Variants in NEDD4L observed in about 807,000 individuals in gnomAD.
The protein encoded by NEDD4L is E3 ubiquitin-protein ligase NEDD4-like.
In NEDD4L, 54 loss-of-function variants were observed where a neutral mutation model predicts 148.9. That is an observed-to-expected ratio of 0.36 (90% CI 0.29 to 0.45). The LOEUF is 0.45. NEDD4L is among the 20% of genes least tolerant of loss of function. The pLI is 1.00. For synonymous variants in NEDD4L, 433 were observed against 440.7 expected, an observed-to-expected ratio of 0.98 and a Z score of 0.22; for missense variants, 856 against 1,233.8, an observed-to-expected ratio of 0.69 and a Z score of 4.59.
intron 24 of NEDD4L, among the ~76,000 whole-genome samples, chr18:58,377,907 G>A (rs1601880128): frequency 6.6e-6 from 1 of 152,144 alleles, no homozygotes; most frequent in African/African-American, 2.4e-5. Context: ...ACCATGCCCA[G>A]CTAATTTTTG....
chr18:58,177,252 T>A (rs1296814435), intron 2 of NEDD4L, among the ~76,000 whole-genome samples: 1 of 152,206 alleles, frequency 6.6e-6, no homozygotes, highest in Non-Finnish European at 1.5e-5. Context: ...TTCCTCTGTT[T>A]TCCTTTTCTT....
chr18:58,238,859 T>A (rs1351201585), intron 2 of NEDD4L, among the ~76,000 whole-genome samples: 3 of 152,216 alleles, frequency 2.0e-5, no homozygotes, highest in Non-Finnish European at 4.4e-5. Flanking sequence ...AAGTATTACC[T>A]TTTTTCAATC....
chr18:58,275,890 G>C (rs1185984637), intron 5 of NEDD4L, among the ~76,000 whole-genome samples: 1 of 152,176 alleles, frequency 6.6e-6, no homozygotes, highest in Non-Finnish European at 1.5e-5. Flanking sequence ...AAGGTAGGGG[G>C]AGCATTGAAG....
intron 5 of NEDD4L, among the ~76,000 whole-genome samples, chr18:58,261,089 A>T (rs886217451): frequency 6.6e-6 from 1 of 152,220 alleles, no homozygotes; most frequent in African/African-American, 2.4e-5. Flanking sequence ...ATGGCATTTA[A>T]CACAAGGACA....
intron 1 of NEDD4L, among the ~76,000 whole-genome samples, chr18:58,112,902 G>A (rs571716122): frequency 1.3e-5 from 2 of 152,332 alleles, no homozygotes; most frequent in South Asian, 2.1e-4. Context: ...CCTTTGGGAC[G>A]TGATTAGGTC....
At chr18:58,302,327 G>A (rs2056584378) in intron 5 of NEDD4L, among the ~76,000 whole-genome samples, 1 of 152,162 alleles carries the variant, frequency 6.6e-6, no homozygotes, top group Non-Finnish European at 1.5e-5. Flanking sequence ...ATTTAGTCTT[G>A]CATCTTGCTC....
intron 10 of NEDD4L, among the ~76,000 whole-genome samples, chr18:58,330,182 C>A (rs186101458): frequency 6.6e-6 from 1 of 152,148 alleles, no homozygotes; most frequent in Non-Finnish European, 1.5e-5. Context: ...ATTTAGAATG[C>A]GGCGATTCAA....
intron 2 of NEDD4L, among the ~76,000 whole-genome samples, chr18:58,182,431 G>T (rs541842575): frequency 6.6e-6 from 1 of 151,388 alleles, no homozygotes; most frequent in South Asian, 2.1e-4. Flanking sequence ...TTTCTTTGCA[G>T]TTGCAGACAT....
chr18:58,105,843 C>T (rs985311776), intron 1 of NEDD4L, among the ~76,000 whole-genome samples: 6 of 152,090 alleles, frequency 3.9e-5, no homozygotes, highest in Non-Finnish European at 5.9e-5. Flanking sequence ...AAAGCCAGCC[C>T]GCAAAAGATC....
intron 1 of NEDD4L, among the ~76,000 whole-genome samples, chr18:58,162,796 G>T (rs534275016): frequency 4.0e-5 from 6 of 151,652 alleles, no homozygotes; most frequent in African/African-American, 1.5e-4. Flanking sequence ...GGGCGCAGTG[G>T]CTCACGCCTG....
At chr18:58,205,494 G>GTGTA (rs1003512183) in intron 2 of NEDD4L, among the ~76,000 whole-genome samples, 1 of 151,236 alleles carries the variant, frequency 6.6e-6, no homozygotes, top group Non-Finnish European at 1.5e-5. Context: ...AGGGGTGTGT[G>GTGTA]TGTATGTGTG....
intron 2 of NEDD4L, among the ~76,000 whole-genome samples, chr18:58,234,257 T>C (rs1273750049): frequency 6.9e-6 from 1 of 143,978 alleles, no homozygotes; most frequent in South Asian, 2.4e-4. Flanking sequence ...TTCTTTTTTT[T>C]CCCTTCCTTC....
chr18:58,353,648 T>C (rs2044209915), intron 18 of NEDD4L, among the ~76,000 whole-genome samples: 2 of 152,250 alleles, frequency 1.3e-5, no homozygotes, highest in African/African-American at 4.8e-5. Flanking sequence ...ACCTATCTTT[T>C]GAAGAGGCTT....
rs369952868 is a variant in NEDD4L, at chr18:58,349,568, T to C, written c.1607T>C (p.Met536Thr). ...CCACGTTTGAAATTTCCAGTACATA[T>C]GCGGTCAAAGACATCTTTAAACCCC... ...EDPRLKFPVH[M>T]RSKTSLNPND... The change falls in exon 17 of 31, where the codon ATG becomes ACG. Residue 536 changes from methionine (M) to threonine (T), a missense_variant. Physicochemically the swap from Met to Thr is moderately conservative, Grantham distance 81. Transcript: ENST00000400345. The C allele has an allele frequency of 1.2e-6, 2 of 1,614,016 alleles. No homozygotes were observed. Among genetic ancestry groups the C allele is most frequent in the Admixed American group, 1.7e-5 (1 of 60,024 alleles).
At chr18:58,237,071 C>T (rs2046121247) in intron 2 of NEDD4L, among the ~76,000 whole-genome samples, 1 of 151,962 alleles carries the variant, frequency 6.6e-6, no homozygotes, top group Non-Finnish European at 1.5e-5. Flanking sequence ...TGTCATTTAT[C>T]AGCTTCTTCG....
At chr18:58,372,590 G>C (rs1454543997) in intron 23 of NEDD4L, 2 of 152,260 alleles carry the variant, frequency 1.3e-5, no homozygotes, top group East Asian at 3.8e-4. Flanking sequence ...TTACAGCGAT[G>C]ATATTTTCAC....
At chr18:58,171,637 T>C (rs971249647) in intron 2 of NEDD4L, among the ~76,000 whole-genome samples, 6 of 152,252 alleles carry the variant, frequency 3.9e-5, no homozygotes, top group Non-Finnish European at 8.8e-5. Context: ...CTTGAATTCA[T>C]TGAGTGGAAC....
At chr18:58,169,869 C>A (rs2037350029) in intron 2 of NEDD4L, among the ~76,000 whole-genome samples, 1 of 152,224 alleles carries the variant, frequency 6.6e-6, no homozygotes, top group East Asian at 1.9e-4. Context: ...CTCTGGGGTG[C>A]CCATGACCCC....
Position 58,387,514 on chromosome 18 carries a change from ATTATT to A in NEDD4L, c.2547+21_2547+25del. 2 of 1,531,172 alleles carry A rather than the reference ATTATT, an allele frequency of 1.3e-6. No homozygotes were observed. Among genetic ancestry groups the A allele is most frequent in the South Asian group, 2.5e-5 (2 of 78,440 alleles). 94.8% of individuals were successfully genotyped at this position (1,531,172 alleles called of 1,614,324 possible). A position where few individuals can be genotyped will look rare whatever the true frequency, so the allele number is the denominator to read the frequency against. On this transcript the variant is annotated intron_variant, in intron 27 of 30. Transcript: ENST00000400345. The stretch of plus-strand genomic sequence containing the variant: ...TGAGCTGGAGGTTTGTATTATAAAC[ATTATT>A]TTATGTAAAGTGGATTTTTTAAAGT...
Sources: gnomAD v4.1 joint callset for allele counts (sites outside exome capture counted in the v4.1 genomes callset) on GRCh38, gnomAD v4.1.1 for gene constraint, MANE v1.5 for transcripts, NCBI Gene and HGNC (gene_info 2026-07-23, HGNC 2026-07-21) for gene names.